The following HNRNPC variants were observed in gnomAD, a reference collection of about 807,000 sequenced individuals.
The protein encoded by HNRNPC is heterogeneous nuclear ribonucleoprotein C, also known as heterogeneous nuclear ribonucleoproteins C1/C2.
Under a neutral mutation model 33.2 loss-of-function variants are expected in HNRNPC, and 3 were observed. The observed-to-expected ratio is 0.09, with a 90% CI of 0.04 to 0.23. HNRNPC has a LOEUF of 0.23. Among genes scored for constraint, HNRNPC ranks in the 10% least tolerant of loss-of-function variants. The pLI, the probability that HNRNPC is intolerant of heterozygous loss-of-function variation, is 1.00. For missense variants in HNRNPC, 143 were observed against 366.7 expected, an observed-to-expected ratio of 0.39 and a Z score of 4.98; for synonymous variants, 121 against 126.7, an observed-to-expected ratio of 0.96 and a Z score of 0.30.
intron 5 of HNRNPC, among the ~76,000 whole-genome samples, chr14:21,228,995 G>A (rs939449923): frequency 6.7e-6 from 1 of 150,290 alleles, no homozygotes; most frequent in African/African-American, 2.4e-5. Flanking sequence ...TGAGGCAGGA[G>A]AATTGCTTCA....
chr14:21,224,684 GAC>G (rs1403684924), intron 5 of HNRNPC, among the ~76,000 whole-genome samples: 1 of 151,842 alleles, frequency 6.6e-6, no homozygotes, highest in African/African-American at 2.4e-5. Context: ...CCATCTATAG[GAC>G]ACAATCCCAG....
chr14:21,268,919 C>T (rs1380023445), intron 1 of HNRNPC, among the ~76,000 whole-genome samples: 1 of 151,952 alleles, frequency 6.6e-6, no homozygotes, highest in Admixed American at 6.6e-5. Flanking sequence ...CCACTTTTTA[C>T]ATGTAAGAAG....
rs749223833 is a variant in HNRNPC, at chr14:21,234,208, A to G, written c.-15T>C. The G allele has an allele frequency of 6.2e-7, 1 of 1,612,222 alleles. No homozygotes were observed. Among genetic ancestry groups the G allele is most frequent in the East Asian group, 2.2e-5 (1 of 44,868 alleles). On this transcript the variant is annotated 5_prime_UTR_variant, in exon 3 of 9. Coordinates refer to ENST00000553300, the MANE Select transcript of HNRNPC (RefSeq NM_004500.4). Reference sequence around the variant, plus strand: ...TTGCTGGCCATCGTGTTTGATGGTAAGGTTTCTCACAAAGCCGAAAACTGT... The same window carrying G: ...TTGCTGGCCATCGTGTTTGATGGTAGGGTTTCTCACAAAGCCGAAAACTGT...
At chr14:21,215,023 C>CT (rs1243250511) in intron 5 of HNRNPC, among the ~76,000 whole-genome samples, 15 of 152,320 alleles carry the variant, frequency 9.8e-5, no homozygotes, top group Admixed American at 7.2e-4. Context: ...ACTGGAATTT[C>CT]TTTTTAAAAC....
chr14:21,222,932 G>A (rs1892995479), intron 5 of HNRNPC, among the ~76,000 whole-genome samples: 2 of 151,910 alleles, frequency 1.3e-5, no homozygotes. Context: ...TGGGCGTGAT[G>A]GCTCACGCCT....
chr14:21,210,068 G>C lies in HNRNPC; in HGVS notation c.*1155C>G, dbSNP rs1214122631. 3 of 152,154 alleles carry C rather than the reference G, an allele frequency of 2.0e-5. No individual in the cohort carries two copies. In the East Asian group the frequency reaches 5.8e-4, roughly 29 times the overall value. The allele number at this position is 152,154 out of a possible 1,614,324, so 9.4% of individuals were successfully genotyped here. ...GAAGTAAGAGTTTTCTTGTTTTCAG[G>C]AACATGGAGGTATATACACTTCAGA... On this transcript the variant is annotated 3_prime_UTR_variant, in exon 9 of 9. Transcript: ENST00000553300.
intron 5 of HNRNPC, among the ~76,000 whole-genome samples, chr14:21,229,753 A>T (rs1166213722): frequency 6.6e-6 from 1 of 152,238 alleles, no homozygotes; most frequent in East Asian, 1.9e-4. Context: ...TAATAACATT[A>T]AAATACTAAT....
intron 1 of HNRNPC, among the ~76,000 whole-genome samples, chr14:21,265,815 T>A (rs1277178987): frequency 6.6e-6 from 1 of 152,126 alleles, no homozygotes; most frequent in South Asian, 2.1e-4. Flanking sequence ...GAGATAGTTT[T>A]AGAAAAAAAG....
intron 3 of HNRNPC, among the ~76,000 whole-genome samples, 170 bp downstream of exon 3, chr14:21,233,783 C>T (rs1894375773): frequency 6.6e-6 from 1 of 152,060 alleles, no homozygotes; most frequent in South Asian, 2.1e-4. Context: ...TGAAGAATAT[C>T]CTTTACTTAG....
At chr14:21,218,422 A>G (rs1025435217) in intron 5 of HNRNPC, among the ~76,000 whole-genome samples, 5 of 152,126 alleles carry the variant, frequency 3.3e-5, no homozygotes, top group Non-Finnish European at 7.4e-5. Context: ...ATGGTAGCCC[A>G]TGCCTGTAAT....
intron 2 of HNRNPC, among the ~76,000 whole-genome samples, chr14:21,243,429 ATGTATATAT>A (rs1895597839): frequency 6.6e-6 from 1 of 152,218 alleles, no homozygotes; most frequent in Admixed American, 6.5e-5. Flanking sequence ...TATTCTATGT[ATGTATATAT>A]TGTGTTCAAA....
intron 2 of HNRNPC, among the ~76,000 whole-genome samples, chr14:21,256,570 C>T (rs1160111484): frequency 6.6e-6 from 1 of 152,090 alleles, no homozygotes; most frequent in East Asian, 1.9e-4. Flanking sequence ...TAATAATGCA[C>T]AGGAGACAAG....
At chr14:21,266,780 T>G (rs17092556) in intron 1 of HNRNPC, among the ~76,000 whole-genome samples, 2,440 of 151,582 alleles carry the variant, frequency 0.016, 33 homozygotes, top group Middle Eastern at 0.078. Flanking sequence ...TTAAGAATAG[T>G]AATAATAACT....
chr14:21,223,052 A>G (rs956107070), intron 5 of HNRNPC, among the ~76,000 whole-genome samples: 1 of 151,886 alleles, frequency 6.6e-6, no homozygotes, highest in Non-Finnish European at 1.5e-5. Context: ...TACACACACA[A>G]AAAAAGAGCC....
chr14:21,267,403 G>C (rs1301803130), intron 1 of HNRNPC, among the ~76,000 whole-genome samples: 1 of 152,136 alleles, frequency 6.6e-6, no homozygotes, highest in Non-Finnish European at 1.5e-5. Flanking sequence ...TTCTTTGCTT[G>C]TTTCGCACAG....
intron 3 of HNRNPC, 197 bp from the exon 4 acceptor site, chr14:21,231,269 C>T: frequency 1.5e-6 from 1 of 672,376 alleles, no homozygotes; most frequent in Admixed American, 2.0e-5. Flanking sequence ...GAGTAACTGT[C>T]ACTACAGGCG....
intron 1 of HNRNPC, chr14:21,265,263 A>C (rs1878786720): frequency 6.6e-6 from 1 of 152,128 alleles, no homozygotes; most frequent in Non-Finnish European, 1.5e-5. Flanking sequence ...GAAACATTTC[A>C]TTTTCTTATT....
intron 5 of HNRNPC, among the ~76,000 whole-genome samples, chr14:21,220,774 T>C (rs1027450374): frequency 1.3e-5 from 2 of 151,644 alleles, no homozygotes; most frequent in African/African-American, 2.4e-5. Flanking sequence ...GAAAATCGAA[T>C]AAAAGTTGAA....
intron 2 of HNRNPC, among the ~76,000 whole-genome samples, chr14:21,249,281 AG>A (rs1387861256): frequency 6.6e-6 from 1 of 152,090 alleles, no homozygotes; most frequent in South Asian, 2.1e-4. Flanking sequence ...AACAGAATCA[AG>A]GAATTGGGGC....
Sources: allele counts gnomAD v4.1 joint callset (sites outside exome capture counted in the v4.1 genomes callset), GRCh38; gene constraint gnomAD v4.1.1; transcripts MANE v1.5; gene names NCBI Gene and HGNC (gene_info 2026-07-23, HGNC 2026-07-21).